DNM1L: variants seen among roughly 807,000 people sequenced by gnomAD.
DNM1L encodes dynamin 1L, also known as dynamin-1-like protein.
In DNM1L, 33 loss-of-function variants were observed where a neutral mutation model predicts 92.8. The observed-to-expected ratio is 0.36, with a 90% CI of 0.27 to 0.48. The LOEUF is 0.48. DNM1L is among the 20% of genes least tolerant of loss of function. The pLI is 0.99. For missense variants in DNM1L, 485 were observed against 888.8 expected, an observed-to-expected ratio of 0.55 and a Z score of 5.78; for synonymous variants, 284 against 305.0, an observed-to-expected ratio of 0.93 and a Z score of 0.72.
At chr12:32,713,772 G>T (rs1953237289) in intron 6 of DNM1L, among the ~76,000 whole-genome samples, 1 of 152,064 alleles carries the variant, frequency 6.6e-6, no homozygotes, top group South Asian at 2.1e-4. Context: ...GTGAGGCCAG[G>T]AGTTCAAAGT....
rs1953761416 is a variant in DNM1L at position 32,720,654 on chromosome 12, T to G, written c.741-10T>G. 1 of 1,613,810 alleles carries G rather than the reference T, an allele frequency of 6.2e-7. No individual in the cohort carries two copies. The highest frequency in any genetic ancestry group is 1.7e-5 in the Admixed American group (1 of 60,024). On this transcript the variant is annotated splice_polypyrimidine_tract_variant and intron_variant, in intron 7 of 19. Transcript: ENST00000549701. ...TAAGCTGAATAGTTTCGTTATTTTT[T>G]CAACCTCAGGAGCCAGCTAGATATT...
At chr12:32,714,348 C>T in intron 6 of DNM1L, among the ~76,000 whole-genome samples, 1 of 149,144 alleles carries the variant, frequency 6.7e-6, no homozygotes, top group African/African-American at 2.5e-5. Flanking sequence ...TCTCGGTTCA[C>T]TGCAAGCTCT....
Position 32,730,935 on chromosome 12 carries a change from A to G in DNM1L, c.1080-79A>G, listed in dbSNP as rs1954514667. On this transcript the variant is annotated intron_variant, in intron 9 of 19. Coordinates refer to ENST00000549701, the MANE Select transcript of DNM1L (RefSeq NM_012062.5). ...TTCTCAGAAAATAAGATGAGCTTAA[A>G]GCTTCTAGAAAGACTTCTAACTTGT... 1.9e-6 allele frequency: 3 copies of G among 1,594,670 alleles called. No individual in the cohort carries two copies. In the East Asian group the frequency reaches 6.8e-5, roughly 36 times the overall value.
chr12:32,691,563 G>A lies in DNM1L; in HGVS notation c.103-9852G>A, dbSNP rs190854345. ...CGGCTGGACTTGTTTTAACTTAATC[G>A]CCTCTTTAAAGGCCCTGTCTGCAAA... On this transcript the variant is annotated intron_variant, in intron 1 of 19. Coordinates refer to ENST00000549701, the MANE Select transcript of DNM1L (RefSeq NM_012062.5). Among the ~76,000 whole-genome samples the A allele has an allele frequency of 1.8e-4, 27 of 152,116 alleles. No homozygotes were observed. In the East Asian group the frequency reaches 4.6e-3, roughly 26 times the overall value.
At chr12:32,701,706 A>T in intron 2 of DNM1L, 144 bp downstream of exon 2, 1 of 778,174 alleles carries the variant, frequency 1.3e-6, no homozygotes, top group Non-Finnish European at 2.1e-6. Flanking sequence ...ATCTTTCTTA[A>T]TGTAAAAAAA....
At chr12:32,691,632 TAA>T (rs1952239883) in intron 1 of DNM1L, among the ~76,000 whole-genome samples, 1 of 152,146 alleles carries the variant, frequency 6.6e-6, no homozygotes. Context: ...CTTCAACATA[TAA>T]ATTTTGGGAA....
At position 32,739,874 on chromosome 12, in the gene DNM1L, T is replaced by A. The variant is rs573623938; in HGVS notation, c.1708-190T>A. 4.6e-6 allele frequency: 3 copies of A among 657,786 alleles called. No homozygotes were observed. In the East Asian group the frequency reaches 8.4e-5, roughly 18 times the overall value. The allele number at this position is 657,786 out of a possible 1,614,324, so 40.7% of individuals were successfully genotyped here. On this transcript the variant is annotated intron_variant, in intron 16 of 19. Transcript: ENST00000549701. ...TGCAAACAACTTAGAGCAGAACTTC[T>A]TTATTATTTAGATAGGTCAGGGTTC...
At chr12:32,708,046 C>T in intron 3 of DNM1L, 107 bp from the exon 4 acceptor site, 1 of 632,750 alleles carries the variant, frequency 1.6e-6, no homozygotes, top group Non-Finnish European at 2.8e-6. Context: ...TATTTATTTT[C>T]TGAAGCAAAT....
At chr12:32,683,239 AT>A (rs903240513) in intron 1 of DNM1L, among the ~76,000 whole-genome samples, 2 of 152,168 alleles carry the variant, frequency 1.3e-5, no homozygotes, top group Admixed American at 1.3e-4. Context: ...TTTTATTTTT[AT>A]TTTTTTAGGG....
chr12:32,692,762 G>A (rs1952281837), intron 1 of DNM1L: 1 of 152,176 alleles, frequency 6.6e-6, no homozygotes, highest in South Asian at 2.1e-4. Flanking sequence ...TACATTTCAG[G>A]TATTTGTACA....
intron 9 of DNM1L, chr12:32,726,413 C>A (rs766504010): frequency 6.5e-7 from 1 of 1,542,788 alleles, no homozygotes; most frequent in Non-Finnish European, 8.9e-7. Flanking sequence ...GGTTTTGATC[C>A]TTCTTCGGGT....
intron 1 of DNM1L, among the ~76,000 whole-genome samples, chr12:32,685,615 G>A (rs917583214): frequency 1.3e-5 from 2 of 151,740 alleles, no homozygotes; most frequent in African/African-American, 2.4e-5. Context: ...CACCCACCTC[G>A]GCCTCCCAAA....
rs1182937178 is a variant in DNM1L, at chr12:32,742,055, G to A, written c.1995-534G>A. Among the ~76,000 whole-genome samples, 4 of 151,832 alleles carry A rather than the reference G, an allele frequency of 2.6e-5. No individual in the cohort carries two copies. The East Asian group carries it at 7.7e-4, about 29-fold the overall frequency. On this transcript the variant is annotated intron_variant, in intron 18 of 19. Coordinates refer to ENST00000549701, the MANE Select transcript of DNM1L (RefSeq NM_012062.5). ...CTATTATGAATAAATGCTTATTGAA[G>A]AGTTTTGAAATAAAGATGATGAAAA...
intron 19 of DNM1L, among the ~76,000 whole-genome samples, chr12:32,742,996 C>T (rs530687328): frequency 3.4e-5 from 5 of 149,112 alleles, no homozygotes; most frequent in South Asian, 4.3e-4. Flanking sequence ...CCCAGGTTCA[C>T]GCCATTCTCC....
intron 1 of DNM1L, among the ~76,000 whole-genome samples, chr12:32,694,977 C>A (rs1033797631): frequency 2.6e-5 from 4 of 152,060 alleles, no homozygotes; most frequent in African/African-American, 9.7e-5. Flanking sequence ...AAGGGACTAG[C>A]GCTCCTTCAT....
intron 1 of DNM1L, among the ~76,000 whole-genome samples, chr12:32,685,512 C>T (rs1951974223): frequency 6.6e-6 from 1 of 152,056 alleles, no homozygotes; most frequent in South Asian, 2.1e-4. Flanking sequence ...AGGTGCCCGC[C>T]ACTACTGCCC....
At chr12:32,690,754 C>T (rs1425607739) in intron 1 of DNM1L, among the ~76,000 whole-genome samples, 1 of 151,996 alleles carries the variant, frequency 6.6e-6, no homozygotes, top group Admixed American at 6.6e-5. Context: ...GTAGTATGTT[C>T]GATTAATGTT....
intron 2 of DNM1L, among the ~76,000 whole-genome samples, chr12:32,703,747 C>T (rs1341225017): frequency 6.6e-6 from 1 of 151,800 alleles, no homozygotes; most frequent in African/African-American, 2.4e-5. Context: ...TCTAAGATGA[C>T]ATGGAGAAGT....
intron 1 of DNM1L, among the ~76,000 whole-genome samples, chr12:32,700,210 C>T (rs1369934738): frequency 6.6e-6 from 1 of 152,022 alleles, no homozygotes; most frequent in African/African-American, 2.4e-5. Flanking sequence ...ACCTCCACCT[C>T]CCGGGTTCAA....
Sources: gnomAD v4.1 joint callset for allele counts (sites outside exome capture counted in the v4.1 genomes callset) on GRCh38, gnomAD v4.1.1 for gene constraint, MANE v1.5 for transcripts, NCBI Gene and HGNC (gene_info 2026-07-23, HGNC 2026-07-21) for gene names.